PDE1C: variants seen among roughly 807,000 people sequenced by gnomAD.
PDE1C encodes dual specificity calcium/calmodulin-dependent 3',5'-cyclic nucleotide phosphodiesterase 1C.
A neutral mutation model predicts 93.1 loss-of-function variants in PDE1C; 62 were observed. The ratio of observed to expected loss-of-function variants is 0.67; its 90% CI spans 0.54 to 0.82. The LOEUF is 0.82. Among genes scored for constraint, PDE1C ranks in the 40% least tolerant of loss-of-function variants. The probability of loss-of-function intolerance (pLI) is 0.00; values close to 1 mark genes in which losing one functional copy is unlikely to be tolerated. For missense variants in PDE1C, 742 were observed against 884.6 expected (o/e 0.84, Z 2.04); for synonymous variants, 325 against 310.1 (o/e 1.05, Z -0.50).
At chr7:32,170,484 G>A (rs1047820223) in intron 2 of PDE1C, among the ~76,000 whole-genome samples, 8 of 152,118 alleles carry the variant, frequency 5.3e-5, no homozygotes, top group Non-Finnish European at 1.2e-4. Context: ...TATTAAAGGT[G>A]GGCATCAAGT....
At chr7:31,755,484 T>A (rs1323349253) in intron 17 of PDE1C, among the ~76,000 whole-genome samples, 2 of 152,138 alleles carry the variant, frequency 1.3e-5, no homozygotes, top group African/African-American at 4.8e-5. Flanking sequence ...CCAGGGCTCC[T>A]TGCAGAAATG....
intron 8 of PDE1C, among the ~76,000 whole-genome samples, chr7:31,849,635 G>A (rs1043337409): frequency 6.6e-6 from 1 of 152,150 alleles, no homozygotes. Context: ...CCTATCTAGA[G>A]TGTGCACCTG....
intron 17 of PDE1C, among the ~76,000 whole-genome samples, chr7:31,764,180 T>C (rs1196478031): frequency 6.6e-6 from 1 of 152,298 alleles, no homozygotes; most frequent in Non-Finnish European, 1.5e-5. Flanking sequence ...AGACGGAGTC[T>C]TGATCTGTTG....
chr7:31,663,348 A>G, the PDE1C span, among the ~76,000 whole-genome samples: 3 of 152,158 alleles, frequency 2.0e-5, no homozygotes, highest in African/African-American at 7.2e-5. Context: ...GCCATTCGTT[A>G]CCAGTACATG....
chr7:32,078,534 AAC>A (rs1796481702), intron 3 of PDE1C, among the ~76,000 whole-genome samples: 1 of 152,216 alleles, frequency 6.6e-6, no homozygotes, highest in African/African-American at 2.4e-5. Context: ...CCTAGATAAT[AAC>A]AGAGAACCTG....
chr7:32,394,459 A>G (rs1362025447), intron 1 of PDE1C, among the ~76,000 whole-genome samples: 2 of 152,198 alleles, frequency 1.3e-5, no homozygotes, highest in African/African-American at 4.8e-5. Flanking sequence ...GCTGGGTGCC[A>G]TTCTCACAGG....
chr7:32,211,883 G>A (rs764516240), intron 1 of PDE1C, among the ~76,000 whole-genome samples: 21 of 151,856 alleles, frequency 1.4e-4, no homozygotes, highest in Admixed American at 2.0e-4. Flanking sequence ...CAACTTAGCC[G>A]GGTGTGGTGG....
rs146157074 is a variant in PDE1C at position 32,411,792 on chromosome 7, C to T, written c.310+16030G>A. Among the ~76,000 whole-genome samples the T allele has an allele frequency of 3.0e-4, 45 of 152,012 alleles. 1 individual carries two copies. In the East Asian group the frequency reaches 8.3e-3, roughly 28 times the overall value. ...ACTTTTTGACTCTTTTGTAATAACA[C>T]GTAGCTTAAAACACAAACATATTGT... On this transcript the variant is annotated intron_variant, in intron 1 of 1. Transcript: ENST00000672256.
chr7:32,095,009 GA>G (rs1352937638), intron 3 of PDE1C, among the ~76,000 whole-genome samples: 3 of 152,162 alleles, frequency 2.0e-5, no homozygotes, highest in Non-Finnish European at 4.4e-5. Context: ...CCCCTGCTAA[GA>G]TCTGCATATC....
chr7:31,808,515 T>C (rs1052631990), intron 16 of PDE1C, among the ~76,000 whole-genome samples: 4 of 151,996 alleles, frequency 2.6e-5, no homozygotes, highest in African/African-American at 9.7e-5. Context: ...TTGTTCTTGC[T>C]GGCAAAACTG....
intron 2 of PDE1C, among the ~76,000 whole-genome samples, chr7:32,181,653 T>C (rs943381356): frequency 1.1e-4 from 17 of 151,294 alleles, no homozygotes; most frequent in Non-Finnish European, 2.4e-4. Context: ...CAAAGCAGTG[T>C]GTAGAGGGAA....
intron 16 of PDE1C, among the ~76,000 whole-genome samples, chr7:31,808,032 TTTTCATGCATGCAAGCAAAG>T (rs1471847077): frequency 6.6e-6 from 1 of 151,902 alleles, no homozygotes; most frequent in Non-Finnish European, 1.5e-5. Context: ...TTGAGAACGG[TTTTCATGCATGCAAGCAAAG>T]ACAGCATGTC....
At chr7:32,144,693 T>C (rs142346730) in intron 3 of PDE1C, among the ~76,000 whole-genome samples, 95 of 152,304 alleles carry the variant, frequency 6.2e-4, no homozygotes, top group African/African-American at 2.1e-3. Context: ...AAGGCAGGTA[T>C]GGTTAGGGGT....
downstream of PDE1C, among the ~76,000 whole-genome samples, chr7:31,750,754 C>T (rs148981029): frequency 2.4e-3 from 361 of 152,218 alleles, 1 homozygote; most frequent in African/African-American, 7.3e-3. Flanking sequence ...TTTTTTGAGA[C>T]GGAGTCTCGC....
At chr7:31,925,366 G>T (rs1439205788) in intron 2 of PDE1C, among the ~76,000 whole-genome samples, 1 of 152,106 alleles carries the variant, frequency 6.6e-6, no homozygotes, top group East Asian at 1.9e-4. Flanking sequence ...TTGATTGTCT[G>T]TCATATGTGA....
intron 2 of PDE1C, among the ~76,000 whole-genome samples, chr7:32,000,886 C>G (rs887262961): frequency 3.3e-5 from 5 of 152,098 alleles, no homozygotes; most frequent in Non-Finnish European, 5.9e-5. Context: ...TTTCACAGGA[C>G]ATAATTTTTT....
intron 2 of PDE1C, among the ~76,000 whole-genome samples, chr7:31,956,198 A>T (rs1467550603): frequency 6.6e-6 from 1 of 151,828 alleles, no homozygotes; most frequent in Non-Finnish European, 1.5e-5. Context: ...GGTTCAAGTG[A>T]TTCTCCTGCC....
At chr7:31,789,122 G>A (rs1263878233) in intron 16 of PDE1C, 1 of 152,066 alleles carries the variant, frequency 6.6e-6, no homozygotes, top group African/African-American at 2.4e-5. Flanking sequence ...ATTCCTGTGT[G>A]ACCAATAACC....
intron 1 of PDE1C, among the ~76,000 whole-genome samples, chr7:32,422,001 C>A (rs73309842): frequency 6.6e-6 from 1 of 152,064 alleles, no homozygotes; most frequent in Non-Finnish European, 1.5e-5. Context: ...AAAGTGAGCC[C>A]GAGACTTTTC....
Sources: allele counts gnomAD v4.1 joint callset (sites outside exome capture counted in the v4.1 genomes callset), GRCh38; gene constraint gnomAD v4.1.1; transcripts MANE v1.5; gene names NCBI Gene and HGNC (gene_info 2026-07-23, HGNC 2026-07-21).